ST3GAL1: variants seen among roughly 807,000 people sequenced by gnomAD.
ST3GAL1 encodes ST3 beta-galactoside alpha-2,3-sialyltransferase 1.
ST3GAL1 carries 16 observed loss-of-function variants against 34.1 expected under a neutral mutation model. That is an observed-to-expected ratio of 0.47 (90% CI 0.32 to 0.71). The LOEUF is 0.71. Among genes scored for constraint, ST3GAL1 ranks in the 30% least tolerant of loss-of-function variants. The pLI is 0.04. For missense variants in ST3GAL1, 353 were observed against 447.4 expected (o/e 0.79, Z 1.90); for synonymous variants, 191 against 184.7 (o/e 1.03, Z -0.28).
chr8:133,495,353 C>T (rs565549555), intron 3 of ST3GAL1, among the ~76,000 whole-genome samples: 30 of 152,296 alleles, frequency 2.0e-4, no homozygotes, highest in Admixed American at 5.9e-4. Flanking sequence ...GACGAGTGAC[C>T]CTACACTCTC....
chr8:133,536,828 G>A (rs1036634499), intron 2 of ST3GAL1, among the ~76,000 whole-genome samples: 20 of 152,132 alleles, frequency 1.3e-4, no homozygotes, highest in African/African-American at 3.4e-4. Flanking sequence ...TACAGATGGG[G>A]AAACCAAGTC....
chr8:133,560,116 G>C (rs115348228), intron 1 of ST3GAL1, among the ~76,000 whole-genome samples: 2 of 152,146 alleles, frequency 1.3e-5, no homozygotes, highest in Non-Finnish European at 2.9e-5. Context: ...CTAGAAGAGA[G>C]GATTTTGAAT....
intron 2 of ST3GAL1, among the ~76,000 whole-genome samples, chr8:133,533,282 G>T (rs1483751856): frequency 6.6e-6 from 1 of 152,182 alleles, no homozygotes; most frequent in Non-Finnish European, 1.5e-5. Flanking sequence ...CAGACACCCA[G>T]GATCTCATGA....
chr8:133,509,541 T>C (rs2131008965), intron 2 of ST3GAL1, among the ~76,000 whole-genome samples: 1 of 152,330 alleles, frequency 6.6e-6, no homozygotes, highest in South Asian at 2.1e-4. Flanking sequence ...ACCATGAGAC[T>C]GAGCTCCTGA....
intron 2 of ST3GAL1, among the ~76,000 whole-genome samples, chr8:133,526,698 C>T (rs1049888022): frequency 3.3e-5 from 5 of 152,158 alleles, no homozygotes; most frequent in Non-Finnish European, 5.9e-5. Context: ...AATAGCCTGA[C>T]GTTGCTTCCT....
intron 5 of ST3GAL1, among the ~76,000 whole-genome samples, chr8:133,470,139 G>T (rs917367596): frequency 1.4e-4 from 22 of 152,318 alleles, no homozygotes; most frequent in African/African-American, 4.8e-4. Context: ...AACAGTGCTG[G>T]CCAGGTGCGG....
chr8:133,498,116 C>A (rs1204965049), intron 3 of ST3GAL1, among the ~76,000 whole-genome samples: 1 of 152,216 alleles, frequency 6.6e-6, no homozygotes, highest in Admixed American at 6.5e-5. Flanking sequence ...TGTGGCATTC[C>A]CCTTCACAGC....
chr8:133,543,086 TC>T (rs1818579395), intron 2 of ST3GAL1, among the ~76,000 whole-genome samples: 1 of 152,100 alleles, frequency 6.6e-6, no homozygotes, highest in South Asian at 2.1e-4. Flanking sequence ...AACTGAGAGC[TC>T]CAAGCTAACA....
chr8:133,522,994 T>A (rs1817856729), intron 2 of ST3GAL1, among the ~76,000 whole-genome samples: 1 of 152,160 alleles, frequency 6.6e-6, no homozygotes, highest in Admixed American at 6.5e-5. Flanking sequence ...ACAGCCTTGC[T>A]GGGGGAGACA....
intron 3 of ST3GAL1, among the ~76,000 whole-genome samples, chr8:133,484,480 A>T (rs1317204771): frequency 1.3e-5 from 2 of 152,090 alleles, no homozygotes; most frequent in East Asian, 3.9e-4. Flanking sequence ...TATCTTTGGG[A>T]TCAATGTCTA....
At chr8:133,564,964 C>T (rs1006732481) in intron 1 of ST3GAL1, among the ~76,000 whole-genome samples, 1 of 152,216 alleles carries the variant, frequency 6.6e-6, no homozygotes, top group Non-Finnish European at 1.5e-5. Context: ...TACAATGGAT[C>T]TTCTTACTTT....
chr8:133,536,279 C>A (rs914599215), intron 2 of ST3GAL1, among the ~76,000 whole-genome samples: 2 of 152,160 alleles, frequency 1.3e-5, no homozygotes, highest in African/African-American at 4.8e-5. Context: ...AATGTGGACT[C>A]TGTTCCAGGA....
intron 1 of ST3GAL1, among the ~76,000 whole-genome samples, chr8:133,564,141 A>G (rs1344184349): frequency 6.6e-6 from 1 of 152,254 alleles, no homozygotes; most frequent in African/African-American, 2.4e-5. Flanking sequence ...CTAAGTTGTC[A>G]TCTGACTTCC....
At chr8:133,535,223 G>A (rs990288425) in intron 2 of ST3GAL1, among the ~76,000 whole-genome samples, 1 of 152,226 alleles carries the variant, frequency 6.6e-6, no homozygotes, top group Non-Finnish European at 1.5e-5. Flanking sequence ...TTGGGGTGAT[G>A]AGCCCAGGCT....
rs926214529 is a variant in ST3GAL1, at chr8:133,500,914, C to G, written c.-428-1725G>C. Among the ~76,000 whole-genome samples, 25 of 152,160 alleles carry G rather than the reference C, an allele frequency of 1.6e-4. 1 individual carries two copies. Among genetic ancestry groups the G allele is most frequent in the Non-Finnish European group, 2.9e-5 (2 of 68,040 alleles). ...AAGGTCAAAAATGCACTGAATTAGTCATCATACAAATAATGAATTAGCAGT... is the reference window on the plus strand; with the variant it reads ...AAGGTCAAAAATGCACTGAATTAGTGATCATACAAATAATGAATTAGCAGT... On this transcript the variant is annotated intron_variant, in intron 2 of 9. Transcript: ENST00000522652.
At chr8:133,551,536 GAGAAGGAA>G (rs1417730577) in intron 1 of ST3GAL1, among the ~76,000 whole-genome samples, 2 of 116,062 alleles carry the variant, frequency 1.7e-5, no homozygotes, top group African/African-American at 3.7e-5. Context: ...GAGAAAGAAA[GAGAAGGAA>G]AGAAAGAAAG....
chr8:133,501,402 G>T (rs1817149595), intron 2 of ST3GAL1, among the ~76,000 whole-genome samples: 1 of 152,150 alleles, frequency 6.6e-6, no homozygotes, highest in South Asian at 2.1e-4. Flanking sequence ...CTGTGGGAGA[G>T]GGTTTGGAGA....
At chr8:133,553,826 C>T (rs1818928963) in intron 1 of ST3GAL1, among the ~76,000 whole-genome samples, 1 of 152,090 alleles carries the variant, frequency 6.6e-6, no homozygotes, top group Non-Finnish European at 1.5e-5. Context: ...TAGAGATGGC[C>T]AACAGCCTGG....
At chr8:133,478,266 C>T (rs868637404) in intron 3 of ST3GAL1, among the ~76,000 whole-genome samples, 1 of 152,192 alleles carries the variant, frequency 6.6e-6, no homozygotes, top group African/African-American at 2.4e-5. Flanking sequence ...GCAGAGGGTT[C>T]CCACCTCTTA....
Sources: allele counts gnomAD v4.1 joint callset (sites outside exome capture counted in the v4.1 genomes callset), GRCh38; gene constraint gnomAD v4.1.1; transcripts MANE v1.5; gene names NCBI Gene and HGNC (gene_info 2026-07-23, HGNC 2026-07-21).